The following AFF3 variants were observed in gnomAD, a reference collection of about 807,000 sequenced individuals.
The protein encoded by AFF3 is ALF transcription elongation factor 3.
AFF3 carries 32 observed loss-of-function variants against 129.7 expected under a neutral mutation model. The observed-to-expected ratio is 0.25, with a 90% confidence interval of 0.19 to 0.33. The LOEUF (loss-of-function observed/expected upper bound fraction) is 0.33, where lower values mean the gene tolerates loss of function less well. Among genes scored for constraint, AFF3 ranks in the 10% least tolerant of loss-of-function variants. The pLI is 1.00. For synonymous variants in AFF3, 644 were observed against 635.4 expected (o/e 1.01, Z -0.20); for missense variants, 1,373 against 1,592.0 (o/e 0.86, Z 2.34).
chr2:99,751,004 C>G (rs1368372044), intron 9 of AFF3, among the ~76,000 whole-genome samples: 1 of 152,200 alleles, frequency 6.6e-6, no homozygotes, highest in Non-Finnish European at 1.5e-5. Flanking sequence ...AAAATCAACT[C>G]TTAGAATGGA....
At chr2:99,728,401 G>A (rs79263206) in intron 10 of AFF3, among the ~76,000 whole-genome samples, 2,860 of 152,234 alleles carry the variant, frequency 0.019, 83 homozygotes, top group African/African-American at 0.064. Flanking sequence ...TACTGCTCAC[G>A]TCCTTGGGCC....
At chr2:99,708,703 T>C (rs1677631608) in intron 11 of AFF3, among the ~76,000 whole-genome samples, 1 of 152,180 alleles carries the variant, frequency 6.6e-6, no homozygotes. Context: ...AATAAAATGA[T>C]CACTTTTTGG....
At chr2:100,070,454 C>T (rs1688084920) in intron 4 of AFF3, among the ~76,000 whole-genome samples, 1 of 152,186 alleles carries the variant, frequency 6.6e-6, no homozygotes, top group Non-Finnish European at 1.5e-5. Context: ...CTTTCCTGTT[C>T]ATGACTGAGA....
chr2:100,036,860 A>C lies in AFF3; in HGVS notation c.54-27928T>G, dbSNP rs543633992. Among the ~76,000 whole-genome samples, 3 of 152,064 alleles carry C rather than the reference A, an allele frequency of 2.0e-5. No homozygotes were observed. The East Asian group carries it at 5.8e-4, about 29-fold the overall frequency. On this transcript the variant is annotated intron_variant, in intron 4 of 24. Transcript: ENST00000672756. The stretch of plus-strand genomic sequence containing the variant: ...AAAAAAAAAAAAAGAAAAGAAAAAA[A>C]CAAAAACAAATAAGGAAATACCATT...
intron 7 of AFF3, among the ~76,000 whole-genome samples, chr2:99,903,392 G>GT: frequency 6.6e-6 from 1 of 152,224 alleles, no homozygotes; most frequent in African/African-American, 2.4e-5. Flanking sequence ...AGTACAGGAA[G>GT]AAATAATAAG....
intron 7 of AFF3, among the ~76,000 whole-genome samples, chr2:99,965,876 C>T (rs574952362): frequency 1.3e-5 from 2 of 152,286 alleles, no homozygotes; most frequent in African/African-American, 4.8e-5. Context: ...AGTCATATTT[C>T]TGCCAAAACT....
chr2:99,602,803 T>C (rs930313828), intron 13 of AFF3, among the ~76,000 whole-genome samples: 1 of 152,154 alleles, frequency 6.6e-6, no homozygotes, highest in Non-Finnish European at 1.5e-5. Context: ...ACCCATCCCT[T>C]AAATCTTTGA....
chr2:99,622,769 G>A (rs1007974441), intron 13 of AFF3, among the ~76,000 whole-genome samples: 1 of 152,214 alleles, frequency 6.6e-6, no homozygotes, highest in Non-Finnish European at 1.5e-5. Flanking sequence ...CAGGCCTGCC[G>A]GGCTGCAGCC....
intron 11 of AFF3, among the ~76,000 whole-genome samples, chr2:99,683,725 A>G (rs550242292): frequency 6.6e-6 from 1 of 152,292 alleles, no homozygotes; most frequent in African/African-American, 2.4e-5. Flanking sequence ...ATAGCCATTT[A>G]CTTTCTCTAA....
At chr2:99,832,641 A>G (rs943708363) in intron 8 of AFF3, among the ~76,000 whole-genome samples, 4 of 152,246 alleles carry the variant, frequency 2.6e-5, no homozygotes, top group Non-Finnish European at 5.9e-5. Flanking sequence ...TGAGATATAA[A>G]AGTGTGGTAT....
intron 8 of AFF3, among the ~76,000 whole-genome samples, chr2:99,827,076 C>T (rs1397937674): frequency 6.6e-6 from 1 of 152,096 alleles, no homozygotes; most frequent in Non-Finnish European, 1.5e-5. Flanking sequence ...CAGGAAAAGC[C>T]GGCAGAGGTG....
chr2:100,111,825 A>G (rs1691519602), intron 2 of AFF3, among the ~76,000 whole-genome samples: 1 of 152,204 alleles, frequency 6.6e-6, no homozygotes, highest in African/African-American at 2.4e-5. Flanking sequence ...GAAGCCATCA[A>G]GTCTCTCTCT....
At chr2:99,859,478 T>G (rs920773901) in intron 7 of AFF3, among the ~76,000 whole-genome samples, 1 of 152,210 alleles carries the variant, frequency 6.6e-6, no homozygotes, top group African/African-American at 2.4e-5. Flanking sequence ...AATTCTTATA[T>G]TACAACCAGG....
chr2:99,718,026 T>A (rs1029550022), intron 11 of AFF3, among the ~76,000 whole-genome samples: 1 of 152,240 alleles, frequency 6.6e-6, no homozygotes, highest in South Asian at 2.1e-4. Context: ...TCTATTGATT[T>A]ATTTGTCTGC....
At chr2:100,004,258 A>T (rs537848136) in intron 7 of AFF3, among the ~76,000 whole-genome samples, 1 of 152,154 alleles carries the variant, frequency 6.6e-6, no homozygotes, top group African/African-American at 2.4e-5. Flanking sequence ...ACTGGAAGTT[A>T]ATGTCTGTAC....
intron 7 of AFF3, among the ~76,000 whole-genome samples, chr2:99,872,901 T>C (rs1231965245): frequency 6.6e-6 from 1 of 152,222 alleles, no homozygotes; most frequent in Non-Finnish European, 1.5e-5. Flanking sequence ...TTCTAAGTTC[T>C]AATTTTTGCT....
Position 100,007,026 on chromosome 2 carries a change from G to A in AFF3, c.488-9C>T. ...GAGAGAGCCCTGTTGTGCTGAGTTG[G>A]AAGAAGAAGAAGAGGAAGATAAGGA... On this transcript the variant is annotated splice_polypyrimidine_tract_variant and intron_variant, in intron 6 of 24. Coordinates refer to ENST00000672756, the MANE Select transcript of AFF3 (RefSeq NM_001386135.1). 1 of 1,588,890 alleles carries A rather than the reference G, an allele frequency of 6.3e-7. No individual in the cohort carries two copies. Among genetic ancestry groups the A allele is most frequent in the Non-Finnish European group, 8.6e-7 (1 of 1,166,576 alleles).
At chr2:99,613,997 A>C (rs1681181285) in intron 13 of AFF3, among the ~76,000 whole-genome samples, 1 of 152,218 alleles carries the variant, frequency 6.6e-6, no homozygotes, top group South Asian at 2.1e-4. Context: ...ATAATAGCTT[A>C]GCACATGTGG....
intron 1 of AFF3, among the ~76,000 whole-genome samples, chr2:100,139,805 T>C (rs1271928294): frequency 2.0e-5 from 3 of 152,222 alleles, no homozygotes; most frequent in African/African-American, 7.2e-5. Flanking sequence ...GACTTGTTTG[T>C]CAGACTTGGA....
Sources: gnomAD v4.1 joint callset for allele counts (sites outside exome capture counted in the v4.1 genomes callset) on GRCh38, gnomAD v4.1.1 for gene constraint, MANE v1.5 for transcripts, NCBI Gene and HGNC (gene_info 2026-07-23, HGNC 2026-07-21) for gene names.